The following DPP6 variants were observed in gnomAD, a reference collection of about 807,000 sequenced individuals.
The protein encoded by DPP6 is dipeptidyl peptidase like 6.
Under a neutral mutation model 122.6 loss-of-function variants are expected in DPP6, and 69 were observed. The ratio of observed to expected loss-of-function variants is 0.56; its 90% CI spans 0.46 to 0.69. The LOEUF is 0.69. Among genes scored for constraint, DPP6 ranks in the 30% least tolerant of loss-of-function variants. The probability of loss-of-function intolerance (pLI) is 0.00; values close to 1 mark genes in which losing one functional copy is unlikely to be tolerated. For missense variants in DPP6, 928 were observed against 1,116.9 expected, an observed-to-expected ratio of 0.83 and a Z score of 2.41; for synonymous variants, 418 against 433.1, an observed-to-expected ratio of 0.97 and a Z score of 0.43.
chr7:154,173,793 G>T (rs1323183768), intron 1 of DPP6, among the ~76,000 whole-genome samples: 3 of 152,170 alleles, frequency 2.0e-5, no homozygotes, highest in African/African-American at 7.2e-5. Context: ...CAGGGAGAGT[G>T]GGTCTGACAT....
chr7:154,574,386 T>A (rs1172317073), intron 5 of DPP6, among the ~76,000 whole-genome samples: 2 of 145,414 alleles, frequency 1.4e-5, no homozygotes, highest in Non-Finnish European at 3.0e-5. Context: ...GTATGTGGTG[T>A]GTGTATGTGT....
intron 7 of DPP6, among the ~76,000 whole-genome samples, chr7:154,703,707 G>A (rs1840659947): frequency 6.6e-6 from 1 of 151,968 alleles, no homozygotes; most frequent in Admixed American, 6.6e-5. Context: ...GAAGGCCAAA[G>A]CGGGCAGATC....
At chr7:154,748,285 C>A (rs1843132599) in intron 8 of DPP6, among the ~76,000 whole-genome samples, 1 of 152,204 alleles carries the variant, frequency 6.6e-6, no homozygotes, top group South Asian at 2.1e-4. Context: ...AGTCAGTCTG[C>A]AGTAACAGCT....
chr7:154,512,397 T>A (rs1347216347), intron 3 of DPP6, among the ~76,000 whole-genome samples: 1 of 152,314 alleles, frequency 6.6e-6, no homozygotes, highest in East Asian at 1.9e-4. Flanking sequence ...CATTGATAAT[T>A]CTAATGGTAA....
At chr7:154,479,422 G>T (rs1315241136) in intron 3 of DPP6, among the ~76,000 whole-genome samples, 1 of 152,114 alleles carries the variant, frequency 6.6e-6, no homozygotes, top group African/African-American at 2.4e-5. Context: ...GCCAGGCGTG[G>T]TAGGGCACAC....
chr7:153,796,248 G>GA, the DPP6 span, among the ~76,000 whole-genome samples: 1 of 130,086 alleles, frequency 7.7e-6, no homozygotes, highest in Admixed American at 8.1e-5. Flanking sequence ...TCTCTTTGCA[G>GA]ATCTATCGGT....
chr7:154,144,675 G>C (rs1335404103), intron 1 of DPP6, among the ~76,000 whole-genome samples: 1 of 151,892 alleles, frequency 6.6e-6, no homozygotes, highest in African/African-American at 2.4e-5. Flanking sequence ...CCTTGTTTTA[G>C]CCCTCACCTC....
At chr7:154,091,895 T>C (rs1276579061) in intron 1 of DPP6, among the ~76,000 whole-genome samples, 2 of 152,200 alleles carry the variant, frequency 1.3e-5, no homozygotes, top group African/African-American at 4.8e-5. Context: ...AGGCAGGATT[T>C]TGCAAAACTC....
intron 1 of DPP6, among the ~76,000 whole-genome samples, chr7:154,404,576 G>C (rs1447894276): frequency 1.3e-5 from 2 of 152,182 alleles, no homozygotes. Flanking sequence ...ATGGAAGAAA[G>C]AGAAAATAGG....
intron 1 of DPP6, among the ~76,000 whole-genome samples, chr7:154,085,912 A>G (rs1804378708): frequency 1.3e-5 from 2 of 152,036 alleles, no homozygotes; most frequent in South Asian, 2.1e-4. Flanking sequence ...TATATTTAGC[A>G]AGACAGGGTT....
At chr7:154,451,361 C>CAAAAAAAAA (rs397890050) in intron 2 of DPP6, among the ~76,000 whole-genome samples, 2 of 122,120 alleles carry the variant, frequency 1.6e-5, no homozygotes, top group Non-Finnish European at 3.5e-5. Flanking sequence ...CCTGTCTCAC[C>CAAAAAAAAA]AAAAAAAAAA....
chr7:154,324,546 G>A (rs1470494106), intron 1 of DPP6, among the ~76,000 whole-genome samples: 1 of 152,094 alleles, frequency 6.6e-6, no homozygotes, highest in Non-Finnish European at 1.5e-5. Context: ...ATGACCGCCG[G>A]GTCTCCCTCT....
chr7:154,689,831 C>A (rs1404306474), intron 7 of DPP6, among the ~76,000 whole-genome samples: 1 of 152,196 alleles, frequency 6.6e-6, no homozygotes, highest in Admixed American at 6.5e-5. Context: ...GATGACAATG[C>A]TGACTGCTCC....
intron 1 of DPP6, among the ~76,000 whole-genome samples, chr7:153,948,871 A>G (rs376230931): frequency 1.3e-5 from 2 of 150,514 alleles, no homozygotes; most frequent in South Asian, 2.2e-4. Context: ...AAGATGACTG[A>G]AGAAGTTATT....
At chr7:153,987,925 G>C (rs1025447171) in intron 1 of DPP6, among the ~76,000 whole-genome samples, 1 of 152,152 alleles carries the variant, frequency 6.6e-6, no homozygotes, top group African/African-American at 2.4e-5. Context: ...TCACCGGCCA[G>C]TATGGAATTG....
intron 12 of DPP6, among the ~76,000 whole-genome samples, chr7:154,800,305 G>C (rs1798283952): frequency 6.6e-6 from 1 of 152,144 alleles, no homozygotes; most frequent in South Asian, 2.1e-4. Flanking sequence ...TATCTGCATG[G>C]GTTCACTCAC....
chr7:153,773,869 A>G, the DPP6 span, among the ~76,000 whole-genome samples: 2 of 151,414 alleles, frequency 1.3e-5, no homozygotes, highest in Non-Finnish European at 2.9e-5. Context: ...AGACAAAAAA[A>G]AAAAAGAAAA....
At chr7:154,879,581 T>A in intron 20 of DPP6, among the ~76,000 whole-genome samples, 1 of 62,024 alleles carries the variant, frequency 1.6e-5, no homozygotes, top group Admixed American at 3.0e-4. Flanking sequence ...ACAGCGAGAC[T>A]CCGTCTCAAA....
At chr7:154,434,039 G>A (rs1190087926) in intron 1 of DPP6, among the ~76,000 whole-genome samples, 1 of 152,182 alleles carries the variant, frequency 6.6e-6, no homozygotes, top group East Asian at 1.9e-4. Flanking sequence ...GAACAATAAA[G>A]GCGTCTTCAG....
Sources: gnomAD v4.1 joint callset for allele counts (sites outside exome capture counted in the v4.1 genomes callset) on GRCh38, gnomAD v4.1.1 for gene constraint, MANE v1.5 for transcripts, NCBI Gene and HGNC (gene_info 2026-07-23, HGNC 2026-07-21) for gene names.